Variants in ERG observed in about 807,000 individuals in gnomAD.
The protein encoded by ERG is ETS transcription factor ERG.
ERG carries 9 observed loss-of-function variants against 55.3 expected under a neutral mutation model. The observed-to-expected ratio is 0.16, with a 90% CI of 0.10 to 0.28. The LOEUF (loss-of-function observed/expected upper bound fraction) is 0.28. Among genes scored for constraint, ERG ranks in the 10% least tolerant of loss-of-function variants. ERG has a pLI of 1.00. For missense variants in ERG, 434 were observed against 631.6 expected (o/e 0.69, Z 3.35); for synonymous variants, 223 against 237.3 (o/e 0.94, Z 0.55).
At chr21:38,615,019 G>C (rs188056224) in intron 1 of ERG, among the ~76,000 whole-genome samples, 1 of 152,198 alleles carries the variant, frequency 6.6e-6, no homozygotes, top group Non-Finnish European at 1.5e-5. Context: ...ATCACTGCCT[G>C]AGATACCCAA....
intron 1 of ERG, among the ~76,000 whole-genome samples, chr21:38,627,677 T>G (rs571886796): frequency 3.3e-5 from 5 of 152,324 alleles, no homozygotes; most frequent in African/African-American, 1.2e-4. Context: ...CAAGAATGTT[T>G]GAAATGGGAA....
chr21:38,508,173 A>G (rs545406015), intron 2 of ERG, among the ~76,000 whole-genome samples: 14 of 152,070 alleles, frequency 9.2e-5, no homozygotes, highest in Non-Finnish European at 2.1e-4. Flanking sequence ...GCAGGAGGTC[A>G]TCTGCTCCCC....
chr21:38,624,723 G>A (rs1399387501), intron 1 of ERG, among the ~76,000 whole-genome samples: 2 of 152,122 alleles, frequency 1.3e-5, no homozygotes, highest in Admixed American at 6.5e-5. Context: ...GTAAAACTGG[G>A]ATAATATAAG....
intron 2 of ERG, among the ~76,000 whole-genome samples, chr21:38,537,609 C>T (rs1198080096): frequency 6.6e-6 from 1 of 152,058 alleles, no homozygotes; most frequent in Non-Finnish European, 1.5e-5. Context: ...AAATGCAACT[C>T]AAATCCACAA....
rs563830974 is a variant in ERG, at chr21:38,523,314, A to G, written c.-41+52348T>C. The stretch of plus-strand genomic sequence containing the variant: ...AAATAGTTGGTTGTCTATCACAAAT[A>G]AGCCATCTATTTTGTTATTCCTGTA... On this transcript the variant is annotated intron_variant, in intron 2 of 8. Coordinates refer to the ERG transcript ENST00000398897. Among the ~76,000 whole-genome samples, 452 of 152,340 alleles carry G rather than the reference A, an allele frequency of 3.0e-3. 2 individuals carry two copies. Among genetic ancestry groups the G allele is most frequent in the Middle Eastern group, 0.014 (4 of 294 alleles).
intron 3 of ERG, among the ~76,000 whole-genome samples, chr21:38,406,173 A>T (rs1988762436): frequency 7.7e-6 from 1 of 129,094 alleles, no homozygotes; most frequent in African/African-American, 2.9e-5. Context: ...AAAAAAAAAA[A>T]AATCATCAGT....
chr21:38,568,017 C>T (rs1302252264), intron 2 of ERG, among the ~76,000 whole-genome samples: 1 of 152,130 alleles, frequency 6.6e-6, no homozygotes, highest in African/African-American at 2.4e-5. Flanking sequence ...GAGCGGCAGC[C>T]GTGGAACAAT....
intron 2 of ERG, among the ~76,000 whole-genome samples, chr21:38,507,413 A>G (rs2059471164): frequency 2.6e-5 from 4 of 152,214 alleles, no homozygotes; most frequent in African/African-American, 9.6e-5. Flanking sequence ...AGAAATTAAA[A>G]TGCATTGGAG....
upstream of ERG, among the ~76,000 whole-genome samples, chr21:38,587,147 T>C (rs563343315): frequency 4.8e-4 from 73 of 152,340 alleles, no homozygotes; most frequent in South Asian, 0.013. Context: ...ACCAAAAATA[T>C]TCATCTTTAT....
chr21:38,368,610 T>C, the ERG span, among the ~76,000 whole-genome samples: 1 of 152,146 alleles, frequency 6.6e-6, no homozygotes, highest in African/African-American at 2.4e-5. Flanking sequence ...GTATCAGACT[T>C]TTTTTTATTA....
rs190047585 is a variant in ERG at position 38,382,394 on chromosome 21, C to T, written c.*1009G>A. 339 of 1,060,598 alleles carry T rather than the reference C, an allele frequency of 3.2e-4. 4 individuals are homozygous for T. In the African/African-American group the frequency reaches 5.2e-3, roughly 16 times the overall value. 65.7% of individuals were successfully genotyped at this position (1,060,598 alleles called of 1,614,324 possible). A position where few individuals can be genotyped will look rare whatever the true frequency, so the allele number is the denominator to read the frequency against. ...CCTGACCCTGTGGAGAACAAAGCCCCCACATAATGATGAGGTCCTGAATGT... is the reference window on the plus strand; with the variant it reads ...CCTGACCCTGTGGAGAACAAAGCCCTCACATAATGATGAGGTCCTGAATGT... On this transcript the variant is annotated 3_prime_UTR_variant, in exon 10 of 10. Transcript: ENST00000288319.
chr21:38,470,240 C>T (rs933229855), intron 1 of ERG, among the ~76,000 whole-genome samples: 11 of 145,474 alleles, frequency 7.6e-5, no homozygotes, highest in Non-Finnish European at 1.3e-4. Context: ...ATATAATAAG[C>T]ACTCTATGAG....
chr21:38,456,670 T>C (rs1273230551), intron 1 of ERG, among the ~76,000 whole-genome samples: 2 of 152,332 alleles, frequency 1.3e-5, no homozygotes, highest in Admixed American at 6.5e-5. Flanking sequence ...TCTTAGACGC[T>C]GACTTACGTA....
At chr21:38,483,301 A>C (rs1465452091) in intron 1 of ERG, among the ~76,000 whole-genome samples, 1 of 152,166 alleles carries the variant, frequency 6.6e-6, no homozygotes, top group Admixed American at 6.5e-5. Context: ...TGCCCCACAA[A>C]AAAAGAATGT....
At chr21:38,455,331 T>C (rs1034998757) in intron 1 of ERG, among the ~76,000 whole-genome samples, 5 of 152,128 alleles carry the variant, frequency 3.3e-5, no homozygotes, top group African/African-American at 4.8e-5. Flanking sequence ...GTCCTGGTGA[T>C]TTTTGAAACT....
At chr21:38,453,089 C>T (rs2836412) in intron 1 of ERG, among the ~76,000 whole-genome samples, 113,956 of 152,132 alleles carry the variant, frequency 0.75, 43,054 homozygotes, top group East Asian at 0.89. Context: ...GTGTAGCCAA[C>T]GCCCAGGAGT....
rs1987505169 is a variant in ERG, at chr21:38,382,713, A to T, written c.*690T>A. The T allele has an allele frequency of 9.4e-7, 1 of 1,066,576 alleles. No homozygotes were observed. The allele number at this position is 1,066,576 out of a possible 1,614,324, so 66.1% of individuals were successfully genotyped here. On this transcript the variant is annotated 3_prime_UTR_variant, in exon 10 of 10. Coordinates refer to ENST00000288319, the MANE Select transcript of ERG (RefSeq NM_182918.4). ...CTCCTCCTTCTTCACCCCTCTGTCTACAATCACACGCTCACTCTATACACA... is the reference window on the plus strand; with the variant it reads ...CTCCTCCTTCTTCACCCCTCTGTCTTCAATCACACGCTCACTCTATACACA...
intron 1 of ERG, among the ~76,000 whole-genome samples, chr21:38,583,722 A>T (rs2060044453): frequency 6.6e-6 from 1 of 152,166 alleles, no homozygotes; most frequent in Non-Finnish European, 1.5e-5. Flanking sequence ...AATGTGACTG[A>T]TCCACTTACA....
At chr21:38,579,702 C>A (rs906550919) in intron 1 of ERG, among the ~76,000 whole-genome samples, 1 of 152,156 alleles carries the variant, frequency 6.6e-6, no homozygotes, top group Non-Finnish European at 1.5e-5. Flanking sequence ...TCACTCAGCA[C>A]GCAGCGTGAT....
Sources: gnomAD v4.1 joint callset for allele counts (sites outside exome capture counted in the v4.1 genomes callset) on GRCh38, gnomAD v4.1.1 for gene constraint, MANE v1.5 for transcripts, NCBI Gene and HGNC (gene_info 2026-07-23, HGNC 2026-07-21) for gene names.